Variants in DDX23 observed in about 807,000 individuals in gnomAD.
DDX23 encodes the protein DEAD-box helicase 23, also known as probable ATP-dependent RNA helicase DDX23.
In DDX23, 33 loss-of-function variants were observed where a neutral mutation model predicts 102.7. That is an observed-to-expected ratio of 0.32 (90% CI 0.24 to 0.43). The LOEUF (loss-of-function observed/expected upper bound fraction) is 0.43, where lower values mean the gene tolerates loss of function less well. DDX23 is among the 20% of genes least tolerant of loss of function. The pLI is 1.00. For missense variants in DDX23, 549 were observed against 1,086.6 expected, an observed-to-expected ratio of 0.51 and a Z score of 6.96; for synonymous variants, 352 against 376.0, an observed-to-expected ratio of 0.94 and a Z score of 0.74.
rs1408885861 is a variant in DDX23 at position 48,836,240 on chromosome 12, T to C, written c.1263A>G (p.Ala421=). The part of the protein sequence containing the change: ...YKEPTPIQRQ[A]IPIGLQNRDI... ...CACGATTCTGTAGCCCAATGGGAAT[T>C]GCCTGACGCTGTATAGGTGTTGGTT... The change falls in exon 11 of 17, where the codon GCA becomes GCG. Residue 421 remains alanine, a synonymous_variant. Coordinates refer to ENST00000308025, the MANE Select transcript of DDX23 (RefSeq NM_004818.3). This position sits in a 1 kb window ranked among gnomAD's most constrained non-coding sequence, Gnocchi z 6.1. The C allele has an allele frequency of 6.2e-7, 1 of 1,614,154 alleles. No individual in the cohort carries two copies. The highest frequency in any genetic ancestry group is 8.5e-7 in the Non-Finnish European group (1 of 1,180,042).
At chr12:48,831,817 C>CA (rs1565675025) in intron 15 of DDX23, 1 of 547,670 alleles carries the variant, frequency 1.8e-6, no homozygotes, top group East Asian at 3.1e-5. Flanking sequence ...ATATGGGTCT[C>CA]AAACCTTTCC....
chr12:48,837,302 G>A lies in DDX23; in HGVS notation c.845C>T (p.Thr282Ile), dbSNP rs750607852. The change falls in exon 8 of 17, where the codon ACA (threonine) becomes ATA (isoleucine). Residue 282 changes from threonine to isoleucine, a missense_variant. By Grantham distance (89) the Thr-to-Ile change is moderately conservative (BLOSUM62 -1). Coordinates refer to ENST00000308025, the MANE Select transcript of DDX23 (RefSeq NM_004818.3). ...FVFEWDASED[T>I]SIDYNPLYKE... ...TCACAGGGGGTTGTAGTCAATGGAT[G>A]TGTCCTCAGATGCATCCCACTCAAA... 1.2e-6 allele frequency: 2 copies of A among 1,614,166 alleles called. No individual in the cohort carries two copies. Among genetic ancestry groups the A allele is most frequent in the Non-Finnish European group, 8.5e-7 (1 of 1,180,020 alleles).
At chr12:48,851,489 GA>G (rs1426457059) in intron 1 of DDX23, among the ~76,000 whole-genome samples, 1 of 151,314 alleles carries the variant, frequency 6.6e-6, no homozygotes, top group Non-Finnish European at 1.5e-5. Context: ...AAAAAGAAAA[GA>G]AAAGAAAAAA....
In DDX23 at chr12:48,839,833, C is replaced by A; in HGVS notation, c.480+11G>T. ...GCCTGAGCCGATGAATGAAGACCCT[C>A]AAGTACTTACCTTAGCCTCAGCTTC... On this transcript the variant is annotated intron_variant, in intron 5 of 16. Coordinates refer to ENST00000308025, the MANE Select transcript of DDX23 (RefSeq NM_004818.3). 6.2e-7 allele frequency: 1 copy of A among 1,613,998 alleles called. No homozygotes were observed. Among genetic ancestry groups the A allele is most frequent in the Non-Finnish European group, 8.5e-7 (1 of 1,179,950 alleles).
chr12:48,830,826 G>T lies in DDX23; in HGVS notation c.2240-134C>A. ...AATACAGCACATGCTGCCTGAACCT[G>T]AGGCGCCCACAGTGCCCTCTCCAGG... On this transcript the variant is annotated intron_variant, in intron 16 of 16. Coordinates refer to ENST00000308025, the MANE Select transcript of DDX23 (RefSeq NM_004818.3). This position sits in a 1 kb window ranked among gnomAD's most constrained non-coding sequence, Gnocchi z 4.9. The T allele has an allele frequency of 1.0e-6, 1 of 964,730 alleles. No individual in the cohort carries two copies. Among genetic ancestry groups the T allele is most frequent in the Non-Finnish European group, 1.5e-6 (1 of 661,062 alleles). The allele number at this position is 964,730 out of a possible 1,614,324, so 59.8% of individuals were successfully genotyped here.
chr12:48,836,044 AAAAT>A lies in DDX23; in HGVS notation c.1382+73_1382+76del. Reference sequence around the variant, plus strand: ...AGCTTCTGATTATAGACGTAAAACAAAAATCAAACATTCATTTGCCACTTTCACC... The same window carrying A: ...AGCTTCTGATTATAGACGTAAAACAACAAACATTCATTTGCCACTTTCACC... On this transcript the variant is annotated intron_variant, in intron 11 of 16. Transcript: ENST00000308025. This position sits in a 1 kb window ranked among gnomAD's most constrained non-coding sequence, Gnocchi z 6.1. 1.3e-6 allele frequency: 2 copies of A among 1,524,472 alleles called. No homozygotes were observed. Among genetic ancestry groups the A allele is most frequent in the Non-Finnish European group, 1.8e-6 (2 of 1,110,050 alleles). The allele number at this position is 1,524,472 out of a possible 1,614,324, so 94.4% of individuals were successfully genotyped here.
intron 11 of DDX23, 92 bp from the exon 12 acceptor site, chr12:48,834,589 A>T: frequency 8.4e-7 from 1 of 1,189,364 alleles, no homozygotes; most frequent in Non-Finnish European, 1.2e-6. Context: ...TACGGGGAGC[A>T]ATGGGAATGG....
intron 3 of DDX23, among the ~76,000 whole-genome samples, chr12:48,840,633 A>ACCT (rs1938534913): frequency 6.6e-6 from 1 of 150,848 alleles, no homozygotes; most frequent in Non-Finnish European, 1.5e-5. Flanking sequence ...GCTCACTGCA[A>ACCT]CCTCCGCCTC....
In DDX23 at chr12:48,839,898, T is replaced by C. The variant is rs748493555; in HGVS notation, c.426A>G (p.Leu142=). The C allele has an allele frequency of 1.2e-6, 2 of 1,614,082 alleles. No individual in the cohort carries two copies. The highest frequency in any genetic ancestry group is 2.7e-5 in the African/African-American group (2 of 74,942). The change falls in exon 5 of 17, where the codon TTA becomes TTG. Residue 142 remains leucine (L), a synonymous_variant. Transcript: ENST00000308025. The part of the protein sequence containing the change: ...HGDKKPKAQP[L]SLEELLAKKK... Reference sequence around the variant, plus strand: ...TCTTGGCCAGAAGCTCCTCCAGGGATAATGGCTGGGCCTGAAGATAAAACA... The same window carrying C: ...TCTTGGCCAGAAGCTCCTCCAGGGACAATGGCTGGGCCTGAAGATAAAACA...
At chr12:48,838,551 A>AT (rs1403338481) in intron 5 of DDX23, among the ~76,000 whole-genome samples, 1 of 139,786 alleles carries the variant, frequency 7.2e-6, no homozygotes, top group Non-Finnish European at 1.6e-5. Flanking sequence ...CCTTACCTTT[A>AT]AAAAAAAAAA....
Position 48,844,058 on chromosome 12 carries a change from A to C in DDX23, c.210-8T>G. On this transcript the variant is annotated splice_polypyrimidine_tract_variant and splice_region_variant and intron_variant, in intron 2 of 16. Coordinates refer to ENST00000308025, the MANE Select transcript of DDX23 (RefSeq NM_004818.3). The stretch of plus-strand genomic sequence containing the variant: ...TCTTTGTGCCGTCGTTCTCTGGAAG[A>C]CCGCAAATTTAAGAGTTCACTTGGT... The C allele has an allele frequency of 1.9e-6, 3 of 1,613,938 alleles. No homozygotes were observed. The highest frequency in any genetic ancestry group is 2.5e-6 in the Non-Finnish European group (3 of 1,179,918).
chr12:48,835,659 G>A (rs1038334737), intron 11 of DDX23, among the ~76,000 whole-genome samples: 1 of 152,112 alleles, frequency 6.6e-6, no homozygotes, highest in African/African-American at 2.4e-5. Flanking sequence ...GCAGTGAGCC[G>A]AGATTGCGCC....
chr12:48,837,776 G>C, intron 6 of DDX23, 119 bp from the exon 7 acceptor site: 1 of 1,529,546 alleles, frequency 6.5e-7, no homozygotes, highest in South Asian at 1.3e-5. Context: ...CTTATGATAT[G>C]GGGTAAATGG....
chr12:48,832,004 A>G lies in DDX23; in HGVS notation c.2064+74T>C. On this transcript the variant is annotated intron_variant, in intron 15 of 16. Coordinates refer to ENST00000308025, the MANE Select transcript of DDX23 (RefSeq NM_004818.3). This position sits in a 1 kb window ranked among gnomAD's most constrained non-coding sequence, Gnocchi z 4.4. The stretch of plus-strand genomic sequence containing the variant: ...AGAAAGGGTGAGACTTGAAAGGAAG[A>G]GCCTAGGGGGCCCTGCTAGATTCAG... 7.3e-7 allele frequency: 1 copy of G among 1,377,424 alleles called. No individual in the cohort carries two copies. Among genetic ancestry groups the G allele is most frequent in the African/African-American group, 1.4e-5 (1 of 69,684 alleles). The allele number at this position is 1,377,424 out of a possible 1,614,324, so 85.3% of individuals were successfully genotyped here. A position where few individuals can be genotyped will look rare whatever the true frequency, so the allele number is the denominator to read the frequency against.
chr12:48,842,575 C>T (rs867653274), intron 3 of DDX23, among the ~76,000 whole-genome samples: 44 of 141,824 alleles, frequency 3.1e-4, no homozygotes, highest in African/African-American at 9.0e-4. Context: ...CCCGGCCAGC[C>T]GCCCCGTCCA....
chr12:48,844,429 C>A (rs1319056487), intron 2 of DDX23, among the ~76,000 whole-genome samples: 1 of 152,034 alleles, frequency 6.6e-6, no homozygotes, highest in South Asian at 2.1e-4. Flanking sequence ...CAGATGTGCA[C>A]CACCATGCCT....
rs145620140 is a variant in DDX23, at chr12:48,829,913, A to AG, written c.*555dup. ...AAATCCCCTGGGGGAGGGGATGCCT[A>AG]GAGCATACAGCACCCCTTGGTGCGG... is the stretch of plus-strand genomic sequence containing the variant. On this transcript the variant is annotated 3_prime_UTR_variant, in exon 17 of 17. Transcript: ENST00000308025. 22,853 of 275,584 alleles carry AG rather than the reference A, an allele frequency of 0.083. 1,269 individuals carry two copies. Among genetic ancestry groups the AG allele is most frequent in the Non-Finnish European group, 0.11 (15,563 of 140,856 alleles). 17.1% of individuals were successfully genotyped at this position (275,584 alleles called of 1,614,324 possible).
At position 48,830,595 on chromosome 12, in the gene DDX23, C is replaced by A; in HGVS notation, c.2337G>T (p.Leu779=). 1 of 1,614,164 alleles carries A rather than the reference C, an allele frequency of 6.2e-7. No individual in the cohort carries two copies. Among genetic ancestry groups the A allele is most frequent in the Non-Finnish European group, 8.5e-7 (1 of 1,180,034 alleles). The change falls in exon 17 of 17, where the codon CTG becomes CTT. Residue 779 remains leucine (L), a synonymous_variant. Coordinates refer to ENST00000308025, the MANE Select transcript of DDX23 (RefSeq NM_004818.3). This position sits in a 1 kb window ranked among gnomAD's most constrained non-coding sequence, Gnocchi z 4.9. ...CTGGGCTTTCCAGGATAGCTTGCTT[C>A]AGCTCGTAGAACACAGCAGAGTCCT... ...TKEDSAVFYE[L]KQAILESPVS...
intron 3 of DDX23, 165 bp from the exon 4 acceptor site, chr12:48,840,271 C>T: frequency 1.4e-6 from 1 of 694,854 alleles, no homozygotes. Flanking sequence ...GGTCATTCTG[C>T]CAGCTCTGAA....
Sources: allele counts gnomAD v4.1 joint callset (sites outside exome capture counted in the v4.1 genomes callset), GRCh38; gene constraint gnomAD v4.1.1; non-coding constraint Gnocchi (gnomAD v3.1); transcripts MANE v1.5; gene names NCBI Gene and HGNC (gene_info 2026-07-23, HGNC 2026-07-21).